Variants in ZNF607 observed in about 807,000 individuals in gnomAD.
ZNF607 encodes the protein zinc finger protein 607.
Under a neutral mutation model 12.8 loss-of-function variants are expected in ZNF607, and 5 were observed. That is an observed-to-expected ratio of 0.39 (90% CI 0.20 to 0.82). ZNF607 has a LOEUF of 0.82. Ranked by LOEUF, ZNF607 falls within the 40% of genes least tolerant of loss-of-function variation. The pLI is 0.39. For missense variants in ZNF607, 851 were observed against 859.2 expected (o/e 0.99, Z 0.12); for synonymous variants, 287 against 276.2 (o/e 1.04, Z -0.39).
In ZNF607 at chr19:37,708,032, C is replaced by T; in HGVS notation, c.137-20G>A. 6.3e-7 allele frequency: 1 copy of T among 1,583,268 alleles called. No homozygotes were observed. Among genetic ancestry groups the T allele is most frequent in the East Asian group, 2.2e-5 (1 of 44,624 alleles). On this transcript the variant is annotated intron_variant, in intron 3 of 4. Transcript: ENST00000355202. ...GTCCTGCTTACAAAGAAAAGAAGTG[C>T]CACAAAATACGGAAATCAACTTTGA...
chr19:37,709,564 C>A, intron 3 of ZNF607, 132 bp downstream of exon 3: 1 of 1,039,318 alleles, frequency 9.6e-7, no homozygotes, highest in Non-Finnish European at 1.3e-6. Flanking sequence ...GCTGAAACCA[C>A]CTCAATAGAA....
intron 1 of ZNF607, among the ~76,000 whole-genome samples, chr19:37,716,334 C>G (rs1269120596): frequency 2.0e-5 from 3 of 152,202 alleles, no homozygotes; most frequent in Non-Finnish European, 2.9e-5. Context: ...CCTTATTATG[C>G]TGACTCAGGT....
Position 37,698,789 on chromosome 19 carries a change from G to GT in ZNF607, c.1341dup (p.Pro448ThrfsTer3), listed in dbSNP as rs754731047. On this transcript the variant is annotated frameshift_variant, in exon 5 of 5. Coordinates refer to ENST00000355202, the MANE Select transcript of ZNF607 (RefSeq NM_032689.5). LOFTEE classifies it low-confidence loss of function (END_TRUNC). The stretch of plus-strand genomic sequence containing the variant: ...TTCCCACATTCTTTACATTCAAAGG[G>GT]TTTGTAACCAGTATGAATTCTGTTA... 1 of 1,613,722 alleles carries GT rather than the reference G, an allele frequency of 6.2e-7. No individual in the cohort carries two copies. The highest frequency in any genetic ancestry group is 1.1e-5 in the South Asian group (1 of 91,068).
intron 4 of ZNF607, among the ~76,000 whole-genome samples, chr19:37,700,618 G>A (rs1745639792): frequency 6.6e-6 from 1 of 152,102 alleles, no homozygotes; most frequent in Non-Finnish European, 1.5e-5. Context: ...ATAATCATGG[G>A]CATTCAGTAT....
At chr19:37,704,350 C>A (rs1326680569) in intron 4 of ZNF607, among the ~76,000 whole-genome samples, 1 of 152,034 alleles carries the variant, frequency 6.6e-6, no homozygotes, top group Non-Finnish European at 1.5e-5. Flanking sequence ...GCCAAGAGGG[C>A]CCACACAGTA....
At chr19:37,713,015 G>A (rs568324744) in intron 1 of ZNF607, among the ~76,000 whole-genome samples, 10 of 151,868 alleles carry the variant, frequency 6.6e-5, no homozygotes, top group African/African-American at 2.2e-4. Context: ...GGTTTATTTC[G>A]TTCCTAAATC....
In ZNF607 at chr19:37,697,182, C is replaced by A; in HGVS notation, c.*858G>T. Reference sequence around the variant, plus strand: ...GCTACCAGTGATGACTGGCGCACTACGTGGTTGAGAACAGCAGTCAAAGAT... The same window carrying A: ...GCTACCAGTGATGACTGGCGCACTAAGTGGTTGAGAACAGCAGTCAAAGAT... On this transcript the variant is annotated 3_prime_UTR_variant, in exon 5 of 5. Transcript: ENST00000355202. 1 of 735,490 alleles carries A rather than the reference C, an allele frequency of 1.4e-6. No homozygotes were observed. Among genetic ancestry groups the A allele is most frequent in the Admixed American group, 1.8e-5 (1 of 55,408 alleles). 45.6% of individuals were successfully genotyped at this position (735,490 alleles called of 1,614,324 possible).
intron 1 of ZNF607, among the ~76,000 whole-genome samples, chr19:37,718,139 C>T (rs2045193994): frequency 1.3e-5 from 2 of 152,156 alleles, no homozygotes; most frequent in South Asian, 4.2e-4. Context: ...CAAACATGTA[C>T]AGGAATTCTT....
chr19:37,698,024 T>C lies in ZNF607; in HGVS notation c.*16A>G, dbSNP rs765711545. 2 of 1,563,994 alleles carry C rather than the reference T, an allele frequency of 1.3e-6. No homozygotes were observed. The highest frequency in any genetic ancestry group is 1.2e-5 in the South Asian group (1 of 81,412). ...ATGTGCTTTCTTTACTACCTGTATA[T>C]GCCACAATTTCTCTATCAAATATGA... is the stretch of plus-strand genomic sequence containing the variant. On this transcript the variant is annotated 3_prime_UTR_variant, in exon 5 of 5. Coordinates refer to ENST00000355202, the MANE Select transcript of ZNF607 (RefSeq NM_032689.5).
chr19:37,699,985 C>A, intron 4 of ZNF607, 90 bp from the exon 5 acceptor site: 1 of 1,186,646 alleles, frequency 8.4e-7, no homozygotes, highest in Non-Finnish European at 1.2e-6. Context: ...ATTACAGATG[C>A]TAACTCGAAA....
rs557795932 is a variant in ZNF607, at chr19:37,698,399, A to G, written c.1732T>C (p.Tyr578His). 87 of 1,614,158 alleles carry G rather than the reference A, an allele frequency of 5.4e-5. 5 individuals carry two copies. In the South Asian group the frequency reaches 9.6e-4, roughly 18 times the overall value. The change falls in exon 5 of 5, where the codon TAT becomes CAT. Residue 578 changes from tyrosine (Y) to histidine (H), a missense_variant. Coordinates refer to ENST00000355202, the MANE Select transcript of ZNF607 (RefSeq NM_032689.5). ...TCACCAGCATGAGTTCGGTCATGAT[A>G]TATGAGGCTTGTGGCATGACGAAAG... ...KAFRHATSLI[Y>H]HDRTHAGEKS... is the part of the protein sequence containing the mutation.
chr19:37,714,901 TTTTCTTTC>T (rs141187230), intron 1 of ZNF607, among the ~76,000 whole-genome samples: 77,978 of 151,218 alleles, frequency 0.52, 21,011 homozygotes, highest in Middle Eastern at 0.65. Context: ...TGCTTCCTGT[TTTTCTTTC>T]TTTCTTTCTT....
Position 37,696,779 on chromosome 19 carries a change from C to A in ZNF607, c.*1261G>T. 7.4e-7 allele frequency: 1 copy of A among 1,349,116 alleles called. No homozygotes were observed. Among genetic ancestry groups the A allele is most frequent in the South Asian group, 1.2e-5 (1 of 83,268 alleles). 83.6% of individuals were successfully genotyped at this position (1,349,116 alleles called of 1,614,324 possible). On this transcript the variant is annotated 3_prime_UTR_variant, in exon 5 of 5. Transcript: ENST00000355202. ...AGTGAGTTGGCGATCAGCTCAGCTG[C>A]CTTGGAGTCACCCTCAGCAGAGATG... is the stretch of plus-strand genomic sequence containing the variant.
rs772923278 is a variant in ZNF607 at position 37,699,922 on chromosome 19, T to C, written c.236-27A>G. 4 of 1,500,734 alleles carry C rather than the reference T, an allele frequency of 2.7e-6. No homozygotes were observed. The Admixed American group carries it at 9.2e-5, about 35-fold the overall frequency. 93.0% of individuals were successfully genotyped at this position (1,500,734 alleles called of 1,614,324 possible). ...TAGAAGACATAAAATAAAAACATTT[T>C]ATTGGATGAGAAAATGTCAATGTTA... is the stretch of plus-strand genomic sequence containing the variant. On this transcript the variant is annotated intron_variant, in intron 4 of 4. Coordinates refer to ENST00000355202, the MANE Select transcript of ZNF607 (RefSeq NM_032689.5).
At chr19:37,701,021 T>C (rs2045034526) in intron 4 of ZNF607, among the ~76,000 whole-genome samples, 1 of 152,116 alleles carries the variant, frequency 6.6e-6, no homozygotes, top group Non-Finnish European at 1.5e-5. Flanking sequence ...AAATAGTCAA[T>C]TGTCATAGAT....
rs2045003474 is a variant in ZNF607 at position 37,698,638 on chromosome 19, A to T, written c.1493T>A (p.Val498Asp). ...YSHKLTIHRR[V>D]HTGEKPYECK... ...TTCATAAGGTTTCTCACCAGTATGA[A>T]CTCTGCGATGTATAGTGAGTTTATG... Residue 498 changes from valine to aspartate, a missense_variant, in exon 5 of 5, where the codon GTT becomes GAT. Val to Asp is a radical substitution (Grantham distance 152). Coordinates refer to ENST00000355202, the MANE Select transcript of ZNF607 (RefSeq NM_032689.5). The T allele has an allele frequency of 6.2e-7, 1 of 1,613,668 alleles. No individual in the cohort carries two copies.
Position 37,697,091 on chromosome 19 carries a change from AG to A in ZNF607, c.*948del, listed in dbSNP as rs1270004605. 28 of 745,560 alleles carry A rather than the reference AG, an allele frequency of 3.8e-5. No homozygotes were observed. The African/African-American group carries it at 4.8e-4, about 13-fold the overall frequency. 46.2% of individuals were successfully genotyped at this position (745,560 alleles called of 1,614,324 possible). A position where few individuals can be genotyped will look rare whatever the true frequency, so the allele number is the denominator to read the frequency against. On this transcript the variant is annotated 3_prime_UTR_variant, in exon 5 of 5. Transcript: ENST00000355202. ...CCTCTCCAATGCTGGTGAAGATGCG[AG>A]GAAGCTGGCTAGTGATGGGCCGGAA...
At chr19:37,711,954 G>A (rs1455253078) in intron 1 of ZNF607, among the ~76,000 whole-genome samples, 4 of 152,200 alleles carry the variant, frequency 2.6e-5, no homozygotes, top group African/African-American at 9.7e-5. Flanking sequence ...GCCAATGTAC[G>A]ATGTTGGTGA....
intron 4 of ZNF607, 70 bp from the exon 5 acceptor site, chr19:37,699,965 A>C: frequency 7.5e-7 from 1 of 1,330,572 alleles, no homozygotes. Context: ...ATTAAGAGAA[A>C]TTCTCACCTA....
Sources: gnomAD v4.1 joint callset for allele counts (sites outside exome capture counted in the v4.1 genomes callset) on GRCh38, gnomAD v4.1.1 for gene constraint, MANE v1.5 for transcripts, NCBI Gene and HGNC (gene_info 2026-07-23, HGNC 2026-07-21) for gene names.